Variants in CDCA4 observed in about 807,000 individuals in gnomAD.
CDCA4 encodes cell division cycle-associated protein 4.
For missense variants in CDCA4, 294 were observed against 322.1 expected (o/e 0.91, Z 0.67); for synonymous variants, 130 against 137.0 (o/e 0.95, Z 0.36).
chr14:105,019,711 T>C (rs191021574), intron 1 of CDCA4, among the ~76,000 whole-genome samples: 28 of 136,018 alleles, frequency 2.1e-4, no homozygotes, highest in Non-Finnish European at 3.4e-4. Flanking sequence ...TTTCAGGTAT[T>C]TGGTTTTTTT....
intron 1 of CDCA4, among the ~76,000 whole-genome samples, chr14:105,019,903 G>A (rs1335845253): frequency 1.3e-5 from 2 of 152,148 alleles, no homozygotes; most frequent in Admixed American, 6.5e-5. Flanking sequence ...TAGTACAGAC[G>A]GGGTTTCACC....
Position 105,011,850 on chromosome 14 carries a change from ACT to A in CDCA4, c.78_79del (p.Ser28LeufsTer100). ...CTGCCGCTGCAGGCTGTATGAGGAC[ACT>A]GTCTTCAAGCCGGCCAGGGCTCCCT... is the stretch of plus-strand genomic sequence containing the variant. On this transcript the variant is annotated frameshift_variant, in exon 2 of 2. Coordinates refer to ENST00000336219, the MANE Select transcript of CDCA4 (RefSeq NM_017955.4). LOFTEE classifies it low-confidence loss of function (END_TRUNC). 5 of 1,613,904 alleles carry A rather than the reference ACT, an allele frequency of 3.1e-6. No individual in the cohort carries two copies. Among genetic ancestry groups the A allele is most frequent in the Non-Finnish European group, 3.4e-6 (4 of 1,180,016 alleles).
chr14:105,019,006 G>C (rs1230198597), intron 1 of CDCA4, among the ~76,000 whole-genome samples: 7 of 152,076 alleles, frequency 4.6e-5, no homozygotes, highest in Admixed American at 2.6e-4. Flanking sequence ...CAAAGTGCTG[G>C]ATTACAGGCG....
chr14:105,018,432 C>A (rs1307492585), intron 1 of CDCA4, among the ~76,000 whole-genome samples: 4 of 152,166 alleles, frequency 2.6e-5, no homozygotes, highest in Non-Finnish European at 5.9e-5. Context: ...CTCACAGGTG[C>A]TTTTTACAGT....
At position 105,010,813 on chromosome 14, in the gene CDCA4, A is replaced by C. The variant is rs1047856840; in HGVS notation, c.*391T>G. On this transcript the variant is annotated 3_prime_UTR_variant, in exon 2 of 2. Transcript: ENST00000336219. Reference sequence around the variant, plus strand: ...AAAGAGATAAGGTATAAAAAGTTTAAAAAATATATCTTAAGACAAAATACT... The same window carrying C: ...AAAGAGATAAGGTATAAAAAGTTTACAAAATATATCTTAAGACAAAATACT... 13 of 188,526 alleles carry C rather than the reference A, an allele frequency of 6.9e-5. No homozygotes were observed. Among genetic ancestry groups the C allele is most frequent in the Admixed American group, 1.2e-4 (2 of 16,560 alleles). The allele number at this position is 188,526 out of a possible 1,614,324, so 11.7% of individuals were successfully genotyped here.
At position 105,011,459 on chromosome 14, in the gene CDCA4, G is replaced by A; in HGVS notation, c.471C>T (p.Ser157=). The A allele has an allele frequency of 2.5e-6, 4 of 1,614,226 alleles. No homozygotes were observed. Among genetic ancestry groups the A allele is most frequent in the Non-Finnish European group, 3.4e-6 (4 of 1,180,034 alleles). ...ATATCTGATCAAGTGACTTGTGAAA[G>A]CTTCCTCTGTTTTCTCGAGGGCCAT... is the stretch of plus-strand genomic sequence containing the variant. ...EMDGPRENRG[S]FHKSLDQIFE... The change falls in exon 2 of 2, where the codon AGC becomes AGT. Residue 157 remains serine (S), a synonymous_variant. Transcript: ENST00000336219.
chr14:105,017,948 G>A (rs963979376), intron 1 of CDCA4, among the ~76,000 whole-genome samples: 7 of 152,024 alleles, frequency 4.6e-5, no homozygotes, highest in African/African-American at 9.7e-5. Context: ...TATGCAACAC[G>A]GATAAATTTC....
In CDCA4 at chr14:105,011,290, C is replaced by T. The variant is rs746967390; in HGVS notation, c.640G>A (p.Ala214Thr). 3 of 1,613,884 alleles carry T rather than the reference C, an allele frequency of 1.9e-6. No homozygotes were observed. Among genetic ancestry groups the T allele is most frequent in the Admixed American group, 1.7e-5 (1 of 60,022 alleles). ...PGPCEGLEGL[A>T]PATPGPSSSC... ...GAGCTAGGGCCTGGGGTGGCCGGAG[C>T]CAAGCCCTCGAGCCCTTCGCAGGGG... Residue 214 changes from alanine (A) to threonine (T), a missense_variant, in exon 2 of 2, where the codon GCT becomes ACT. Ala to Thr is a moderately conservative substitution (Grantham distance 58). Coordinates refer to ENST00000336219, the MANE Select transcript of CDCA4 (RefSeq NM_017955.4).
intron 1 of CDCA4, among the ~76,000 whole-genome samples, chr14:105,012,847 C>T (rs939180009): frequency 6.6e-6 from 1 of 152,230 alleles, no homozygotes; most frequent in African/African-American, 2.4e-5. Context: ...CTCTGACCAG[C>T]CCGTACAACC....
chr14:105,014,116 G>T (rs1900580786), intron 1 of CDCA4, among the ~76,000 whole-genome samples: 1 of 152,198 alleles, frequency 6.6e-6, no homozygotes, highest in Non-Finnish European at 1.5e-5. Flanking sequence ...ACATTGTCAT[G>T]CTGACCCAGA....
intron 1 of CDCA4, among the ~76,000 whole-genome samples, chr14:105,014,895 GC>G (rs1436013174): frequency 6.6e-6 from 1 of 152,174 alleles, no homozygotes; most frequent in Non-Finnish European, 1.5e-5. Flanking sequence ...TGAACAGCAT[GC>G]ATTAAGCCCA....
At chr14:105,017,136 C>A (rs1194490898) in intron 1 of CDCA4, among the ~76,000 whole-genome samples, 2 of 152,132 alleles carry the variant, frequency 1.3e-5, no homozygotes, top group Non-Finnish European at 2.9e-5. Flanking sequence ...AAGGACAGGA[C>A]CAGCAGGTGT....
At chr14:105,012,016 C>T in intron 1 of CDCA4, 81 bp from the exon 2 acceptor site, 3 of 1,488,682 alleles carry the variant, frequency 2.0e-6, no homozygotes, top group African/African-American at 2.8e-5. Flanking sequence ...TCTGACTGCC[C>T]TCACTGTACG....
intron 1 of CDCA4, among the ~76,000 whole-genome samples, chr14:105,017,872 G>A (rs1429032935): frequency 6.6e-6 from 1 of 150,874 alleles, no homozygotes. Context: ...CTTAAAACAA[G>A]TTGAATGTAT....
At position 105,011,931 on chromosome 14, in the gene CDCA4, G is replaced by A; in HGVS notation, c.-2C>T. Reference sequence around the variant, plus strand: ...CCTCTTCAGTCCTCGTGCAAACATTGTGTCCTGCAGAAACCAAGGAAGACA... The same window carrying A: ...CCTCTTCAGTCCTCGTGCAAACATTATGTCCTGCAGAAACCAAGGAAGACA... On this transcript the variant is annotated 5_prime_UTR_variant, in exon 2 of 2. Transcript: ENST00000336219. 6.3e-7 allele frequency: 1 copy of A among 1,599,942 alleles called. No homozygotes were observed. The highest frequency in any genetic ancestry group is 2.2e-5 in the East Asian group (1 of 44,698).
chr14:105,020,666 C>T (rs1345705624), intron 1 of CDCA4, among the ~76,000 whole-genome samples: 1 of 152,230 alleles, frequency 6.6e-6, no homozygotes, highest in Non-Finnish European at 1.5e-5. Context: ...CTGCGTACCC[C>T]AGCCGGGCCC....
intron 1 of CDCA4, among the ~76,000 whole-genome samples, chr14:105,017,915 C>A (rs1886127836): frequency 6.6e-6 from 1 of 151,730 alleles, no homozygotes; most frequent in South Asian, 2.1e-4. Flanking sequence ...AGGAATGCAA[C>A]TCAGCAACAT....
Position 105,010,951 on chromosome 14 carries a change from G to A in CDCA4, c.*253C>T, listed in dbSNP as rs1900482376. 3.8e-6 allele frequency: 2 copies of A among 530,340 alleles called. No homozygotes were observed. The highest frequency in any genetic ancestry group is 3.3e-6 in the Non-Finnish European group (1 of 301,584). 32.9% of individuals were successfully genotyped at this position (530,340 alleles called of 1,614,324 possible). A position where few individuals can be genotyped will look rare whatever the true frequency, so the allele number is the denominator to read the frequency against. On this transcript the variant is annotated 3_prime_UTR_variant, in exon 2 of 2. Transcript: ENST00000336219. ...AGTGGGGGACACAAAGAGACACGAG[G>A]GGCCCAGGGCTGTGGGGACGTCAGA...
Position 105,011,247 on chromosome 14 carries a change from A to G in CDCA4, c.683T>C (p.Leu228Pro). 1 of 1,613,218 alleles carries G rather than the reference A, an allele frequency of 6.2e-7. No homozygotes were observed. The highest frequency in any genetic ancestry group is 8.5e-7 in the Non-Finnish European group (1 of 1,179,744). Residue 228 changes from leucine to proline, a missense_variant, in exon 2 of 2, where the codon CTG becomes CCG. By Grantham distance (98) the Leu-to-Pro change is moderately conservative. Transcript: ENST00000336219. ...CTCCACCACGTGGTCCAGCTCGCCC[A>G]GGTCGGACTTGCAGCTGGAGCTAGG... is the stretch of plus-strand genomic sequence containing the variant. ...PGPSSSCKSD[L>P]GELDHVVEIL...
Sources: allele counts gnomAD v4.1 joint callset (sites outside exome capture counted in the v4.1 genomes callset), GRCh38; gene constraint gnomAD v4.1.1; transcripts MANE v1.5; gene names NCBI Gene and HGNC (gene_info 2026-07-23, HGNC 2026-07-21).